Variants in DIS3L observed in about 807,000 individuals in gnomAD.
The protein encoded by DIS3L is DIS3-like exonuclease 1.
DIS3L carries 100 observed loss-of-function variants against 120.3 expected under a neutral mutation model. The ratio of observed to expected loss-of-function variants is 0.83; its 90% confidence interval spans 0.71 to 0.98. The LOEUF is 0.98. Among genes scored for constraint, DIS3L ranks in the 50% least tolerant of loss-of-function variants. DIS3L has a pLI of 0.00. For missense variants in DIS3L, 1,196 were observed against 1,314.2 expected (o/e 0.91, Z 1.39); for synonymous variants, 426 against 470.6 (o/e 0.91, Z 1.23).
rs1595723265 is a variant in DIS3L, at chr15:66,305,214, A to G, written c.294-1610A>G. On this transcript the variant is annotated intron_variant, in intron 2 of 16. Coordinates refer to ENST00000319212, the MANE Select transcript of DIS3L (RefSeq NM_001143688.3). ...ACGGGGTTTCACTGTGTTAGCCAGG[A>G]TGGTCTCGATCTCCTGACCTCGTGA... is the stretch of plus-strand genomic sequence containing the variant. Among the ~76,000 whole-genome samples the G allele has an allele frequency of 3.3e-5, 5 of 151,758 alleles. No individual in the cohort carries two copies. In the South Asian group the frequency reaches 1.0e-3, roughly 32 times the overall value.
At chr15:66,314,198 G>T (rs140161828) in intron 6 of DIS3L, 81 bp downstream of exon 6, 11 of 1,194,356 alleles carry the variant, frequency 9.2e-6, no homozygotes, top group Non-Finnish European at 1.2e-5. Context: ...AGTTGAAATT[G>T]TCATGTCATA....
intron 6 of DIS3L, 68 bp downstream of exon 6, chr15:66,314,185 C>A: frequency 7.8e-7 from 1 of 1,280,296 alleles, no homozygotes; most frequent in Non-Finnish European, 1.0e-6. Context: ...ATGAAGAAAG[C>A]AAAGTTGAAA....
intron 2 of DIS3L, 196 bp from the exon 3 acceptor site, chr15:66,306,628 C>A (rs1267380525): frequency 1.6e-5 from 10 of 617,842 alleles, no homozygotes; most frequent in Non-Finnish European, 2.6e-5. Flanking sequence ...CAAGCACCTT[C>A]TAGCAGGCAA....
chr15:66,299,039 G>A (rs1396733348), intron 2 of DIS3L, among the ~76,000 whole-genome samples: 16 of 152,188 alleles, frequency 1.1e-4, no homozygotes, highest in Admixed American at 1.0e-3. Context: ...TTTTCTGAGG[G>A]GGACGCCTAG....
At chr15:66,298,140 C>T (rs937995181) in intron 2 of DIS3L, among the ~76,000 whole-genome samples, 1 of 124,654 alleles carries the variant, frequency 8.0e-6, no homozygotes, top group Non-Finnish European at 1.6e-5. Flanking sequence ...GATCATGCTA[C>T]AGCACTCCAG....
intron 2 of DIS3L, among the ~76,000 whole-genome samples, chr15:66,298,584 T>C (rs1362976349): frequency 6.6e-6 from 1 of 152,238 alleles, no homozygotes; most frequent in African/African-American, 2.4e-5. Context: ...ATATTTGTAA[T>C]AAGATTTCCT....
intron 2 of DIS3L, among the ~76,000 whole-genome samples, chr15:66,295,429 GC>G (rs994641336): frequency 1.1e-4 from 16 of 152,210 alleles, no homozygotes; most frequent in African/African-American, 3.9e-4. Context: ...TTTTATAGTG[GC>G]AGGGTTATTG....
In DIS3L at chr15:66,311,837, G is replaced by C; in HGVS notation, c.672G>C (p.Glu224Asp). Residue 224 changes from glutamate to aspartate, a missense_variant, in exon 5 of 17, where the codon GAG (glutamate) becomes GAC (aspartate). Transcript: ENST00000319212. ...AGAGTCAGGAGAGCCATGGGAAGGA[G>C]TACCCAGAACATCTTCCCCTGGAAG... ...ENESQESHGK[E>D]YPEHLPLEVL... The C allele has an allele frequency of 2.5e-6, 4 of 1,614,172 alleles. No individual in the cohort carries two copies. The highest frequency in any genetic ancestry group is 2.5e-6 in the Non-Finnish European group (3 of 1,180,028).
At position 66,332,733 on chromosome 15, in the gene DIS3L, T is replaced by C; in HGVS notation, c.2682-3T>C. On this transcript the variant is annotated splice_polypyrimidine_tract_variant and splice_region_variant and intron_variant, in intron 15 of 16. Transcript: ENST00000319212. ...CTGGATTTATATTCTGGTCATAATA[T>C]AGGTTTGGGATTAAAGGTGCTGCTT... 6.2e-7 allele frequency: 1 copy of C among 1,608,804 alleles called. No homozygotes were observed. Among genetic ancestry groups the C allele is most frequent in the Non-Finnish European group, 8.5e-7 (1 of 1,177,522 alleles).
chr15:66,317,345 G>A (rs8035779), intron 7 of DIS3L, among the ~76,000 whole-genome samples: 96,641 of 135,234 alleles, frequency 0.71, 33,063 homozygotes, highest in East Asian at 0.81. Context: ...ATATTTGTGG[G>A]AAAAAAAAAA....
intron 7 of DIS3L, among the ~76,000 whole-genome samples, chr15:66,316,374 C>T (rs2092817302): frequency 6.6e-6 from 1 of 152,044 alleles, no homozygotes; most frequent in Non-Finnish European, 1.5e-5. Context: ...TGAATTCAGC[C>T]ACCTGCCATA....
chr15:66,293,994 C>G (rs1361441586), intron 1 of DIS3L: 1 of 990,746 alleles, frequency 1.0e-6, no homozygotes, highest in Non-Finnish European at 1.2e-6. Flanking sequence ...GACCCGCACC[C>G]CATGCCGGAG....
chr15:66,316,211 T>G (rs1595741628), intron 7 of DIS3L, among the ~76,000 whole-genome samples: 2 of 152,314 alleles, frequency 1.3e-5, no homozygotes, highest in Non-Finnish European at 2.9e-5. Context: ...ACTCCTGATT[T>G]CACCCCTAGA....
intron 5 of DIS3L, among the ~76,000 whole-genome samples, chr15:66,312,117 AGG>A (rs2092769281): frequency 6.6e-6 from 1 of 151,118 alleles, no homozygotes; most frequent in Non-Finnish European, 1.5e-5. Flanking sequence ...TTGAGGCAGG[AGG>A]ATCACTTCAG....
In DIS3L at chr15:66,329,418, AT is replaced by A; in HGVS notation, c.2535+21del. ...AAACCAAGTAAGAGGGAATTTCAAA[AT>A]TCTCTTACCTGTCATCTCTTGCTAA... On this transcript the variant is annotated intron_variant, in intron 14 of 16. Coordinates refer to ENST00000319212, the MANE Select transcript of DIS3L (RefSeq NM_001143688.3). 6.3e-7 allele frequency: 1 copy of A among 1,596,654 alleles called. No homozygotes were observed. The highest frequency in any genetic ancestry group is 8.5e-7 in the Non-Finnish European group (1 of 1,171,866).
chr15:66,300,005 C>T lies in DIS3L; in HGVS notation c.293+4864C>T, dbSNP rs2092630458. ...GGCGGAGGTTGCAGTGAGCCAGGAT[C>T]GCTCCACTGCACTCCAGCCTGGGTG... On this transcript the variant is annotated intron_variant, in intron 2 of 16. Transcript: ENST00000319212. 7.9e-5 allele frequency among the ~76,000 whole-genome samples: 12 copies of T among 152,208 alleles called. 1 individual carries two copies. The highest frequency in any genetic ancestry group is 3.4e-3 in the Middle Eastern group (1 of 294).
Position 66,319,300 on chromosome 15 carries a change from T to G in DIS3L, c.1164+682T>G, listed in dbSNP as rs914792667. ...AACCATCCATTAAGTAGTCTGTGGT[T>G]AATAAATTCAGGCCAGAGAGAAATT... On this transcript the variant is annotated intron_variant, in intron 8 of 16. Transcript: ENST00000319212. 5.9e-5 allele frequency among the ~76,000 whole-genome samples: 9 copies of G among 152,306 alleles called. No individual in the cohort carries two copies. In the East Asian group the frequency reaches 1.7e-3, roughly 29 times the overall value.
In DIS3L at chr15:66,323,593, T is replaced by G. The variant is rs746038614; in HGVS notation, c.1667+8T>G. The G allele has an allele frequency of 1.2e-6, 2 of 1,614,100 alleles. No individual in the cohort carries two copies. The highest frequency in any genetic ancestry group is 2.2e-5 in the South Asian group (2 of 91,090). ...TCTGGGAGGCGTTGATAGGTGAGTT[T>G]ATGGCTTTTGTCTTCAAAGCTTGTC... On this transcript the variant is annotated splice_region_variant and intron_variant, in intron 11 of 16. Transcript: ENST00000319212.
chr15:66,323,589 A>G lies in DIS3L; in HGVS notation c.1667+4A>G. On this transcript the variant is annotated splice_donor_region_variant and intron_variant, in intron 11 of 16. Coordinates refer to ENST00000319212, the MANE Select transcript of DIS3L (RefSeq NM_001143688.3). ...CCCTTCTGGGAGGCGTTGATAGGTG[A>G]GTTTATGGCTTTTGTCTTCAAAGCT... The G allele has an allele frequency of 1.9e-6, 3 of 1,613,908 alleles. No homozygotes were observed. The highest frequency in any genetic ancestry group is 1.3e-5 in the African/African-American group (1 of 74,960).
Sources: gnomAD v4.1 joint callset for allele counts (sites outside exome capture counted in the v4.1 genomes callset) on GRCh38, gnomAD v4.1.1 for gene constraint, MANE v1.5 for transcripts, NCBI Gene and HGNC (gene_info 2026-07-23, HGNC 2026-07-21) for gene names.